The following EYA1 variants were observed in gnomAD, a reference collection of about 807,000 sequenced individuals.
EYA1 encodes protein phosphatase EYA1.
EYA1 carries 16 observed loss-of-function variants against 82.0 expected under a neutral mutation model. The observed-to-expected ratio is 0.20, with a 90% CI of 0.13 to 0.30. EYA1 has a LOEUF of 0.30. Among genes scored for constraint, EYA1 ranks in the 10% least tolerant of loss-of-function variants. The probability of loss-of-function intolerance (pLI) is 1.00; values close to 1 mark genes in which losing one functional copy is unlikely to be tolerated. For missense variants in EYA1, 633 were observed against 730.7 expected (o/e 0.87, Z 1.54); for synonymous variants, 261 against 264.4 (o/e 0.99, Z 0.12).
intron 17 of EYA1, among the ~76,000 whole-genome samples, chr8:71,203,467 G>A (rs1807325826): frequency 1.3e-5 from 2 of 152,200 alleles, no homozygotes; most frequent in Admixed American, 6.5e-5. Context: ...AACCTGGAGA[G>A]GGTAAACTGA....
At chr8:71,333,039 G>C (rs1824071508) in intron 4 of EYA1, among the ~76,000 whole-genome samples, 1 of 152,118 alleles carries the variant, frequency 6.6e-6, no homozygotes, top group South Asian at 2.1e-4. Flanking sequence ...GCTTCCCTCT[G>C]CATCATCAAA....
At chr8:71,533,350 T>A (rs1293760729) in intron 2 of EYA1, among the ~76,000 whole-genome samples, 1 of 152,190 alleles carries the variant, frequency 6.6e-6, no homozygotes, top group South Asian at 2.1e-4. Flanking sequence ...GAAGATGGAA[T>A]GAGAATGGCC....
intron 2 of EYA1, among the ~76,000 whole-genome samples, chr8:71,478,682 A>T (rs563647539): frequency 9.2e-5 from 14 of 152,272 alleles, no homozygotes; most frequent in Admixed American, 3.3e-4. Context: ...TTGTTCACTG[A>T]TCTAGAGGAA....
rs931095762 is a variant in EYA1, at chr8:71,419,451, A to G, written c.34-62940T>C. Among the ~76,000 whole-genome samples the G allele has an allele frequency of 3.2e-4, 49 of 152,244 alleles. 1 individual carries two copies. The highest frequency in any genetic ancestry group is 3.2e-3 in the Admixed American group (49 of 15,278). ...TCATCATAACATTCACTAAAACTCC[A>G]TTGTCAAAAAGCATTTCCCCTTTGA... On this transcript the variant is annotated intron_variant, in intron 2 of 18. Coordinates refer to the EYA1 transcript ENST00000643681.
intron 12 of EYA1, among the ~76,000 whole-genome samples, chr8:71,232,035 T>TTAG (rs1563660480): frequency 6.6e-6 from 1 of 152,238 alleles, no homozygotes; most frequent in Non-Finnish European, 1.5e-5. Flanking sequence ...GTTCTCTGAC[T>TTAG]TGGCTAGAAA....
At chr8:71,521,079 A>T (rs1425552238) in intron 2 of EYA1, among the ~76,000 whole-genome samples, 2 of 152,046 alleles carry the variant, frequency 1.3e-5, no homozygotes, top group African/African-American at 4.8e-5. Context: ...AAAAAAAAAA[A>T]TCTTTATTTT....
At chr8:71,450,917 G>T (rs935636282) in intron 2 of EYA1, among the ~76,000 whole-genome samples, 1 of 152,120 alleles carries the variant, frequency 6.6e-6, no homozygotes, top group Non-Finnish European at 1.5e-5. Context: ...GACTTCACAA[G>T]TAAGCAAAGA....
chr8:71,269,890 C>G (rs1172251225), intron 10 of EYA1, 67 bp from the exon 11 acceptor site: 2 of 1,234,398 alleles, frequency 1.6e-6, no homozygotes, highest in African/African-American at 3.0e-5. Flanking sequence ...CAGTTAACTT[C>G]AACACGAAAA....
At chr8:71,479,534 G>A (rs894546982) in intron 2 of EYA1, among the ~76,000 whole-genome samples, 6 of 149,182 alleles carry the variant, frequency 4.0e-5, no homozygotes, top group South Asian at 2.1e-4. Context: ...GCACACTACT[G>A]TCTCTCCAGC....
intron 2 of EYA1, among the ~76,000 whole-genome samples, chr8:71,487,698 A>T (rs549063062): frequency 5.3e-5 from 8 of 152,360 alleles, no homozygotes; most frequent in Non-Finnish European, 8.8e-5. Flanking sequence ...AAACAGGCTA[A>T]CCAAATGACT....
chr8:71,213,980 T>C (rs982788494), intron 16 of EYA1, among the ~76,000 whole-genome samples: 2 of 152,210 alleles, frequency 1.3e-5, no homozygotes, highest in African/African-American at 4.8e-5. Flanking sequence ...TATTACAGTA[T>C]GACGGGGAAG....
At chr8:71,419,217 T>A (rs1831014838) in intron 2 of EYA1, among the ~76,000 whole-genome samples, 1 of 152,116 alleles carries the variant, frequency 6.6e-6, no homozygotes. Context: ...ATGGCAAGAA[T>A]GGAAGCAAGG....
At chr8:71,366,065 G>A (rs568478121), upstream of EYA1, among the ~76,000 whole-genome samples, 34 of 152,070 alleles carry the variant, frequency 2.2e-4, no homozygotes, top group African/African-American at 7.0e-4. Context: ...TAAAGAGCAC[G>A]TTGATTATTA....
At chr8:71,496,263 C>T (rs549483886) in intron 2 of EYA1, among the ~76,000 whole-genome samples, 13 of 152,300 alleles carry the variant, frequency 8.5e-5, no homozygotes, top group Admixed American at 7.2e-4. Context: ...GTTTTGCATG[C>T]TTCCATGAGC....
chr8:71,407,815 A>G (rs1830346485), intron 2 of EYA1, among the ~76,000 whole-genome samples: 1 of 148,366 alleles, frequency 6.7e-6, no homozygotes, highest in Non-Finnish European at 1.5e-5. Context: ...ATTATCCAGG[A>G]GAACTTCCCC....
chr8:71,538,643 T>C (rs1729772357), intron 1 of EYA1, among the ~76,000 whole-genome samples: 1 of 152,154 alleles, frequency 6.6e-6, no homozygotes, highest in South Asian at 2.1e-4. Context: ...GACCTACATA[T>C]AAACATATAT....
chr8:71,248,761 C>T lies in EYA1; in HGVS notation c.1051-4069G>A, dbSNP rs117475094. Among the ~76,000 whole-genome samples the T allele has an allele frequency of 2.3e-4, 35 of 152,218 alleles. No homozygotes were observed. The East Asian group carries it at 5.6e-3, about 24-fold the overall frequency. ...TATTTTCCTATTATAATAGCTAATA[C>T]GTTAACACTGTTAAAATTTCTAAAG... On this transcript the variant is annotated intron_variant, in intron 11 of 17. Transcript: ENST00000340726.
chr8:71,263,761 T>C (rs111965772), intron 11 of EYA1, among the ~76,000 whole-genome samples: 2 of 152,208 alleles, frequency 1.3e-5, no homozygotes, highest in Non-Finnish European at 2.9e-5. Context: ...TCCTTGTGCT[T>C]TTATTTTTTT....
chr8:71,449,669 C>G (rs1807197272), intron 2 of EYA1, among the ~76,000 whole-genome samples: 1 of 152,224 alleles, frequency 6.6e-6, no homozygotes, highest in African/African-American at 2.4e-5. Flanking sequence ...CTTAAACTCA[C>G]TGGCTGCATC....
Sources: allele counts gnomAD v4.1 joint callset (sites outside exome capture counted in the v4.1 genomes callset), GRCh38; gene constraint gnomAD v4.1.1; transcripts MANE v1.5; gene names NCBI Gene and HGNC (gene_info 2026-07-23, HGNC 2026-07-21).